The following PITPNM1 variants were observed in gnomAD, a reference collection of about 807,000 sequenced individuals.
PITPNM1 encodes the protein membrane-associated phosphatidylinositol transfer protein 1.
Under a neutral mutation model 133.3 loss-of-function variants are expected in PITPNM1, and 74 were observed. That is an observed-to-expected ratio of 0.56 (90% CI 0.46 to 0.67). The LOEUF (loss-of-function observed/expected upper bound fraction) is 0.67. PITPNM1 is among the 30% of genes least tolerant of loss of function. The pLI is 0.00. For missense variants in PITPNM1, 1,398 were observed against 1,739.5 expected, an observed-to-expected ratio of 0.80 and a Z score of 3.49; for synonymous variants, 738 against 741.4, an observed-to-expected ratio of 1.00 and a Z score of 0.08.
chr11:67,495,334 G>A, intron 16 of PITPNM1, 104 bp downstream of exon 16: 3 of 1,466,466 alleles, frequency 2.0e-6, no homozygotes, highest in Non-Finnish European at 2.7e-6. Context: ...TCTTTGCCAA[G>A]TCCAGGCTGT....
chr11:67,493,022 T>A lies in PITPNM1; in HGVS notation c.3383A>T (p.Asp1128Val). 1 of 1,613,084 alleles carries A rather than the reference T, an allele frequency of 6.2e-7. No homozygotes were observed. Among genetic ancestry groups the A allele is most frequent in the Non-Finnish European group, 8.5e-7 (1 of 1,179,932 alleles). ...CCCCAGCGCCGCGTATACAGCCACA[T>A]CTTTGGGAGACCCATAACCGGCCAC... ...NIVAGYGSPK[D>V]VAVYAALGLS... The change falls in exon 23 of 24, where the codon GAT becomes GTT. Residue 1128 changes from aspartate to valine, a missense_variant. Asp to Val is a radical substitution (Grantham distance 152). Transcript: ENST00000356404.
intron 7 of PITPNM1, 27 bp from the exon 8 acceptor site, chr11:67,499,857 G>C: frequency 1.3e-6 from 2 of 1,590,382 alleles, no homozygotes; most frequent in Non-Finnish European, 1.7e-6. Context: ...CTGTGTCATG[G>C]GGTGGGAGGA....
At chr11:67,496,047 A>G in intron 15 of PITPNM1, 131 bp downstream of exon 15, 1 of 878,260 alleles carries the variant, frequency 1.1e-6, no homozygotes, top group Non-Finnish European at 1.6e-6. Flanking sequence ...AGGGGGAAGG[A>G]GCGCCTGGTC....
chr11:67,503,639 G>A (rs900731523), intron 2 of PITPNM1, among the ~76,000 whole-genome samples: 2 of 152,128 alleles, frequency 1.3e-5, no homozygotes, highest in Non-Finnish European at 2.9e-5. Flanking sequence ...CTGAGGGCCT[G>A]CCCTGGCCCA....
chr11:67,500,078 C>G lies in PITPNM1; in HGVS notation c.967+17G>C, dbSNP rs377471543. The stretch of plus-strand genomic sequence containing the variant: ...CTGGGGAGGGCCGTTCCTCCCATCC[C>G]TGTGCCCCAGCCTCACCTCCATGTT... On this transcript the variant is annotated intron_variant, in intron 6 of 23. Transcript: ENST00000356404. 60 of 1,600,552 alleles carry G rather than the reference C, an allele frequency of 3.7e-5. No individual in the cohort carries two copies. Among genetic ancestry groups the G allele is most frequent in the Non-Finnish European group, 4.9e-5 (57 of 1,171,208 alleles).
At position 67,500,255 on chromosome 11, in the gene PITPNM1, C is replaced by T. The variant is rs1366833657; in HGVS notation, c.807G>A (p.Gln269=). 1 of 1,607,024 alleles carries T rather than the reference C, an allele frequency of 6.2e-7. No individual in the cohort carries two copies. The highest frequency in any genetic ancestry group is 8.5e-7 in the Non-Finnish European group (1 of 1,179,832). Reference sequence around the variant, plus strand: ...CCTCGGTGCTCGGTTTCCCGGGGGGCTGGGCCTCGGACCCCTCACTGCCTG... The same window carrying T: ...CCTCGGTGCTCGGTTTCCCGGGGGGTTGGGCCTCGGACCCCTCACTGCCTG... ...CNTGSEGSEA[Q]PPGKPSTEAR... Residue 269 remains glutamine, a synonymous_variant, in exon 6 of 24, where the codon CAG becomes CAA. Coordinates refer to ENST00000356404, the MANE Select transcript of PITPNM1 (RefSeq NM_004910.3).
In PITPNM1 at chr11:67,502,666, G is replaced by A. The variant is rs574908374; in HGVS notation, c.131C>T (p.Ala44Val). ...SGEGSGVEIL[A>V]NRPYTDGPGG... is the part of the protein sequence containing the mutation. ...GGGCCCATCCGTGTAGGGCCGGTTG[G>A]CCAGGATCTCCACGCCGCTGCCCTC... Residue 44 changes from alanine to valine, a missense_variant, in exon 3 of 24, where the codon GCC becomes GTC. Ala to Val is a moderately conservative substitution (Grantham distance 64). Around this residue, in one of 5 missense-constraint regions of PITPNM1, gnomAD observed 274 missense variants for 360.7 expected, o/e 0.76. Coordinates refer to ENST00000356404, the MANE Select transcript of PITPNM1 (RefSeq NM_004910.3). The surrounding 1 kb of genome is among the most constrained non-coding windows in gnomAD (Gnocchi z 5.9). 1 of 1,613,456 alleles carries A rather than the reference G, an allele frequency of 6.2e-7. No homozygotes were observed. The highest frequency in any genetic ancestry group is 8.5e-7 in the Non-Finnish European group (1 of 1,180,004).
intron 12 of PITPNM1, 75 bp from the exon 13 acceptor site, chr11:67,497,754 C>T (rs746329703): frequency 2.3e-5 from 36 of 1,576,502 alleles, no homozygotes; most frequent in African/African-American, 4.1e-5. Context: ...AAGTGAGGAG[C>T]GAGGCTTGGG....
At position 67,498,863 on chromosome 11, in the gene PITPNM1, G is replaced by A; in HGVS notation, c.1234-17C>T. The stretch of plus-strand genomic sequence containing the variant: ...ATCCAGGCCCTGGGGGGAACAATGG[G>A]GTGCAGTGGGTGTCACAGCAGTGGC... On this transcript the variant is annotated splice_polypyrimidine_tract_variant and intron_variant, in intron 9 of 23. Coordinates refer to ENST00000356404, the MANE Select transcript of PITPNM1 (RefSeq NM_004910.3). The surrounding 1 kb of genome is among the most constrained non-coding windows in gnomAD (Gnocchi z 5.7). 2.5e-6 allele frequency: 4 copies of A among 1,608,798 alleles called. No individual in the cohort carries two copies. The highest frequency in any genetic ancestry group is 3.4e-6 in the Non-Finnish European group (4 of 1,176,382).
At chr11:67,492,840 C>A in intron 23 of PITPNM1, 94 bp downstream of exon 23, 1 of 1,471,826 alleles carries the variant, frequency 6.8e-7, no homozygotes, top group Non-Finnish European at 9.2e-7. Context: ...TAGGCCTTCT[C>A]ACATCTTCCC....
Position 67,494,055 on chromosome 11 carries a change from T to G in PITPNM1, c.2875A>C (p.Met959Leu), listed in dbSNP as rs1488890310. 12 of 1,606,894 alleles carry G rather than the reference T, an allele frequency of 7.5e-6. No homozygotes were observed. Among genetic ancestry groups the G allele is most frequent in the Non-Finnish European group, 1.0e-5 (12 of 1,176,668 alleles). Reference sequence around the variant, plus strand: ...CACTTGCCCGACAGCGGCTGCGTCATGATGTAGACATCCACCTGGAGGGGA... The same window carrying G: ...CACTTGCCCGACAGCGGCTGCGTCAGGATGTAGACATCCACCTGGAGGGGA... ...LTGEKVDVYIMTQPLSGKWIH... is the reference protein window; with the variant it reads ...LTGEKVDVYILTQPLSGKWIH... The change falls in exon 20 of 24, where the codon ATG becomes CTG. Residue 959 changes from methionine to leucine, a missense_variant. By Grantham distance (15) the Met-to-Leu change is conservative. Coordinates refer to ENST00000356404, the MANE Select transcript of PITPNM1 (RefSeq NM_004910.3).
intron 23 of PITPNM1, 43 bp from the exon 24 acceptor site, chr11:67,492,339 G>A (rs1209667011): frequency 1.3e-6 from 2 of 1,504,690 alleles, no homozygotes; most frequent in Admixed American, 2.3e-5. Context: ...GCTGGCCAAG[G>A]GCCCACACGC....
At position 67,493,977 on chromosome 11, in the gene PITPNM1, C is replaced by G. The variant is rs766331248; in HGVS notation, c.2953G>C (p.Val985Leu). 1.2e-6 allele frequency: 2 copies of G among 1,611,866 alleles called. No individual in the cohort carries two copies. The highest frequency in any genetic ancestry group is 1.7e-5 in the Admixed American group (1 of 59,886). ...ATGCCCAGCGCGCGTTCTGGGGGAACTGGGAAGGTGAGGCGGCCCGAGCTA... is the reference window on the plus strand; with the variant it reads ...ATGCCCAGCGCGCGTTCTGGGGGAAGTGGGAAGGTGAGGCGGCCCGAGCTA... ...TNSSGRLTFP[V>L]PPERALGIGV... The change falls in exon 20 of 24, where the codon GTT becomes CTT. Residue 985 changes from valine to leucine, a missense_variant. Around this residue, in one of 5 missense-constraint regions of PITPNM1, gnomAD observed 233 missense variants for 378.0 expected, o/e 0.62. Coordinates refer to ENST00000356404, the MANE Select transcript of PITPNM1 (RefSeq NM_004910.3).
chr11:67,494,017 GCCAAAGTGGAT>G lies in PITPNM1; in HGVS notation c.2902_2912del (p.Ile968HisfsTer6). 1 of 1,611,832 alleles carries G rather than the reference GCCAAAGTGGAT, an allele frequency of 6.2e-7. No homozygotes were observed. Among genetic ancestry groups the G allele is most frequent in the Non-Finnish European group, 8.5e-7 (1 of 1,179,550 alleles). On this transcript the variant is annotated frameshift_variant, in exon 20 of 24. Coordinates refer to ENST00000356404, the MANE Select transcript of PITPNM1 (RefSeq NM_004910.3). LOFTEE classifies it high-confidence loss of function. Reference sequence around the variant, plus strand: ...GGCCCGAGCTATTGGTGACTTCGGTGCCAAAGTGGATCCACTTGCCCGACAGCGGCTGCGTC... The same window carrying G: ...GGCCCGAGCTATTGGTGACTTCGGTGCCACTTGCCCGACAGCGGCTGCGTC...
rs1335112763 is a variant in PITPNM1, at chr11:67,500,101, G to T, written c.961C>A (p.His321Asn). ...CCCTGTGCCCCAGCCTCACCTCCAT[G>T]TTGGGATGAGTAGGAGGAACGGGAG... ...SSSRSSYSSQ[H>N]GGAVSPQSLS... Residue 321 changes from histidine (H) to asparagine (N), a missense_variant, in exon 6 of 24, where the codon CAT (histidine) becomes AAT (asparagine). His to Asn is a moderately conservative substitution (Grantham distance 68). Transcript: ENST00000356404. 4 of 1,596,382 alleles carry T rather than the reference G, an allele frequency of 2.5e-6. No homozygotes were observed. The highest frequency in any genetic ancestry group is 2.7e-5 in the African/African-American group (2 of 74,628).
rs1866192345 is a variant in PITPNM1, at chr11:67,498,140, C to T, written c.1667G>A (p.Cys556Tyr). The part of the protein sequence containing the change: ...FLRSPEGAGF[C>Y]GQVALIGDGV... ...CTGTCCCTAACCGCTGACCTGCCCA[C>T]AGAAGCCGGCACCCTCAGGTGAGCG... is the stretch of plus-strand genomic sequence containing the variant. The change falls in exon 11 of 24, where the codon TGT becomes TAT. Residue 556 changes from cysteine to tyrosine, a missense_variant. Transcript: ENST00000356404. This position sits in a 1 kb window ranked among gnomAD's most constrained non-coding sequence, Gnocchi z 5.7. The T allele has an allele frequency of 6.2e-7, 1 of 1,612,528 alleles. No individual in the cohort carries two copies. The highest frequency in any genetic ancestry group is 8.5e-7 in the Non-Finnish European group (1 of 1,179,942).
At position 67,501,911 on chromosome 11, in the gene PITPNM1, G is replaced by C; in HGVS notation, c.591C>G (p.Phe197Leu). ...MCAYKLCKVE[F>L]RYWGMQAKIE... ...TCTTGGCTTGCATGCCCCAGTAGCG[G>C]AACTCAACCTTGCACAGCTTATAGG... The change falls in exon 5 of 24, where the codon TTC becomes TTG. Residue 197 changes from phenylalanine (F) to leucine (L), a missense_variant. This residue lies in a region of PITPNM1 where 274 missense variants were observed against 360.7 expected (regional missense o/e 0.76). Transcript: ENST00000356404. 1 of 1,613,622 alleles carries C rather than the reference G, an allele frequency of 6.2e-7. No individual in the cohort carries two copies. The highest frequency in any genetic ancestry group is 8.5e-7 in the Non-Finnish European group (1 of 1,180,024).
At position 67,495,210 on chromosome 11, in the gene PITPNM1, C is replaced by A; in HGVS notation, c.2498G>T (p.Trp833Leu). 1 of 1,602,786 alleles carries A rather than the reference C, an allele frequency of 6.2e-7. No individual in the cohort carries two copies. ...SEVVKILERW[W>L]GTKRIDYSLY... ...CGAGTAGTCGATCCGCTTGGTCCCC[C>A]ACCAGCGCTCCAGGACTGCGCGGCC... Residue 833 changes from tryptophan (W) to leucine (L), a missense_variant, in exon 17 of 24, where the codon TGG becomes TTG. Physicochemically the swap from Trp to Leu is moderately conservative, Grantham distance 61. Transcript: ENST00000356404.
chr11:67,498,273 G>A lies in PITPNM1; in HGVS notation c.1534C>T (p.His512Tyr). 2 of 1,609,072 alleles carry A rather than the reference G, an allele frequency of 1.2e-6. No individual in the cohort carries two copies. The highest frequency in any genetic ancestry group is 1.7e-6 in the Non-Finnish European group (2 of 1,177,724). Residue 512 changes from histidine to tyrosine, a missense_variant, in exon 11 of 24, where the codon CAC becomes TAC. His to Tyr is a moderately conservative substitution (Grantham distance 83). This residue lies in a region of PITPNM1 where 574 missense variants were observed against 698.7 expected (regional missense o/e 0.82). Transcript: ENST00000356404. This position sits in a 1 kb window ranked among gnomAD's most constrained non-coding sequence, Gnocchi z 5.7. ...DGDSLSRSQD[H>Y]IPLAALPLLA... is the part of the protein sequence containing the mutation. ...AGTGGCAGGGCAGCCAGTGGAATGT[G>A]GTCTTGGGAGCGAGACAGGCTGTCC... is the stretch of plus-strand genomic sequence containing the variant.
Sources: gnomAD v4.1 joint callset for allele counts (sites outside exome capture counted in the v4.1 genomes callset) on GRCh38, gnomAD v4.1.1 for gene constraint, gnomAD v4.1.1 regional missense constraint, Gnocchi (gnomAD v3.1) non-coding constraint, MANE v1.5 for transcripts, NCBI Gene and HGNC (gene_info 2026-07-23, HGNC 2026-07-21) for gene names.